Variants in PPT2 observed in about 807,000 individuals in gnomAD.
PPT2 encodes the protein palmitoyl-protein thioesterase 2, also known as lysosomal thioesterase PPT2.
A neutral mutation model predicts 37.3 loss-of-function variants in PPT2; 20 were observed. That is an observed-to-expected ratio of 0.54 (90% CI 0.38 to 0.78). The LOEUF (loss-of-function observed/expected upper bound fraction) is 0.78. Ranked by LOEUF, PPT2 falls within the 30% of genes least tolerant of loss-of-function variation. The probability of loss-of-function intolerance (pLI) is 0.00; values close to 1 mark genes in which losing one functional copy is unlikely to be tolerated. For missense variants in PPT2, 270 were observed against 389.8 expected (o/e 0.69, Z 2.59); for synonymous variants, 135 against 159.1 (o/e 0.85, Z 1.14).
At chr6:32,157,586 C>T (rs1050538071) in intron 5 of PPT2, 51 bp from the exon 6 acceptor site, 5 of 1,449,700 alleles carry the variant, frequency 3.4e-6, no homozygotes, top group African/African-American at 1.4e-5. Flanking sequence ...TTTTCACCAC[C>T]AGTCTTGCCT....
Position 32,154,250 on chromosome 6 carries a change from G to A in PPT2, c.-163G>A. Reference sequence around the variant, plus strand: ...GAGGCCTACGGACCCAGGCCAGGTGGGAGTCTGCACTCTTCAAGGGGCCTG... The same window carrying A: ...GAGGCCTACGGACCCAGGCCAGGTGAGAGTCTGCACTCTTCAAGGGGCCTG... On this transcript the variant is annotated 5_prime_UTR_variant, in exon 1 of 9. Coordinates refer to ENST00000324816, the MANE Select transcript of PPT2 (RefSeq NM_005155.7). The surrounding 1 kb of genome is among the most constrained non-coding windows in gnomAD (Gnocchi z 7.3). 1 of 1,212,628 alleles carries A rather than the reference G, an allele frequency of 8.2e-7. No homozygotes were observed. Among genetic ancestry groups the A allele is most frequent in the Non-Finnish European group, 1.0e-6 (1 of 973,412 alleles). 75.1% of individuals were successfully genotyped at this position (1,212,628 alleles called of 1,614,324 possible). A position where few individuals can be genotyped will look rare whatever the true frequency, so the allele number is the denominator to read the frequency against.
chr6:32,163,060 T>G lies in PPT2; in HGVS notation c.*110T>G. 1 of 1,279,044 alleles carries G rather than the reference T, an allele frequency of 7.8e-7. No homozygotes were observed. Among genetic ancestry groups the G allele is most frequent in the East Asian group, 2.3e-5 (1 of 42,772 alleles). 79.2% of individuals were successfully genotyped at this position (1,279,044 alleles called of 1,614,324 possible). On this transcript the variant is annotated 3_prime_UTR_variant, in exon 9 of 9. Coordinates refer to ENST00000324816, the MANE Select transcript of PPT2 (RefSeq NM_005155.7). The stretch of plus-strand genomic sequence containing the variant: ...CTGTGACCACCTCATTGCTCCCATA[T>G]TATCCCCCATTTTTAGTAGAGACGG...
intron 7 of PPT2, 47 bp downstream of exon 7, chr6:32,157,971 A>G: frequency 6.7e-7 from 1 of 1,503,484 alleles, no homozygotes; most frequent in Non-Finnish European, 9.2e-7. Flanking sequence ...GACATCCCCC[A>G]ACCCCAGTTG....
At chr6:32,158,132 C>T (rs1582616521) in intron 7 of PPT2, 1 of 513,632 alleles carries the variant, frequency 1.9e-6, no homozygotes, top group East Asian at 3.1e-5. Context: ...GACTCTTCTC[C>T]TCTCCATCCC....
Position 32,163,128 on chromosome 6 carries a change from C to A in PPT2, c.*178C>A. ...GGCCTCCCAGAACCCCCTTCCTCTG[C>A]TCCTCCATGAATGACAATTCCAGGC... On this transcript the variant is annotated 3_prime_UTR_variant, in exon 9 of 9. Coordinates refer to ENST00000324816, the MANE Select transcript of PPT2 (RefSeq NM_005155.7). 1 of 668,656 alleles carries A rather than the reference C, an allele frequency of 1.5e-6. No homozygotes were observed. The highest frequency in any genetic ancestry group is 2.5e-6 in the Non-Finnish European group (1 of 404,732). 41.4% of individuals were successfully genotyped at this position (668,656 alleles called of 1,614,324 possible).
At position 32,155,612 on chromosome 6, in the gene PPT2, G is replaced by T. The variant is rs1253330249; in HGVS notation, c.338-76G>T. On this transcript the variant is annotated intron_variant, in intron 3 of 8. Coordinates refer to ENST00000324816, the MANE Select transcript of PPT2 (RefSeq NM_005155.7). This position sits in a 1 kb window ranked among gnomAD's most constrained non-coding sequence, Gnocchi z 4.3. ...TGTGTGTGTGTGTGTGTGTGTGTGT[G>T]TGTGTGGTGGGGGTGGGGGGTGCTG... 10 of 931,320 alleles carry T rather than the reference G, an allele frequency of 1.1e-5. No individual in the cohort carries two copies. Among genetic ancestry groups the T allele is most frequent in the Non-Finnish European group, 1.8e-5 (10 of 569,540 alleles). 57.7% of individuals were successfully genotyped at this position (931,320 alleles called of 1,614,324 possible).
upstream of PPT2, chr6:32,153,935 A>C (rs1783533094): frequency 1.5e-6 from 2 of 1,368,032 alleles, no homozygotes; most frequent in Non-Finnish European, 9.5e-7. The surrounding 1 kb of genome is among the most constrained non-coding windows in gnomAD (Gnocchi z 4.4). Context: ...TTCCCAGAAT[A>C]TGTTTGCTGC....
chr6:32,157,297 T>C, intron 5 of PPT2: 1 of 391,648 alleles, frequency 2.6e-6, no homozygotes. Context: ...CTCGGCTCAC[T>C]GTAACCTCCA....
At position 32,162,647 on chromosome 6, in the gene PPT2, C is replaced by G. The variant is rs1784237701; in HGVS notation, c.765+25C>G. ...GGTGAGCCCCCTGGGATTACTTCCC[C>G]TTCTAGCCGCTGTCCCACCTTATTC... On this transcript the variant is annotated intron_variant, in intron 8 of 8. Coordinates refer to ENST00000324816, the MANE Select transcript of PPT2 (RefSeq NM_005155.7). The surrounding 1 kb of genome is among the most constrained non-coding windows in gnomAD (Gnocchi z 5.5). 3.1e-6 allele frequency: 5 copies of G among 1,589,866 alleles called. No homozygotes were observed. Among genetic ancestry groups the G allele is most frequent in the Non-Finnish European group, 4.3e-6 (5 of 1,157,950 alleles).
intron 7 of PPT2, chr6:32,158,192 T>C: frequency 7.0e-6 from 3 of 431,060 alleles, no homozygotes; most frequent in South Asian, 4.9e-5. Flanking sequence ...GAAATTCTTA[T>C]AGATTCATAG....
chr6:32,157,987 T>C, intron 7 of PPT2, 63 bp downstream of exon 7: 1 of 1,402,026 alleles, frequency 7.1e-7, no homozygotes, highest in South Asian at 1.2e-5. Context: ...AGTTGGTCTT[T>C]ATCTCATGCC....
rs1408148069 is a variant in PPT2 at position 32,159,188 on chromosome 6, ACT to A, written c.710+1265_710+1266del. ...GGTGGCTCACGCCTGTAATCCCAGC[ACT>A]TTGGGAGGCCGAGGCAGTGGATCAC... On this transcript the variant is annotated intron_variant, in intron 7 of 8. Transcript: ENST00000324816. 9.2e-5 allele frequency among the ~76,000 whole-genome samples: 14 copies of A among 152,032 alleles called. 1 individual carries two copies. Among genetic ancestry groups the A allele is most frequent in the African/African-American group, 2.9e-4 (12 of 41,476 alleles).
Position 32,155,051 on chromosome 6 carries a change from A to G in PPT2, c.205A>G (p.Thr69Ala). ...INETHPGTVVTVLDLFDGRES... is the reference protein window; with the variant it reads ...INETHPGTVVAVLDLFDGRES... Reference sequence around the variant, plus strand: ...ACAGACACACCCCGGGACTGTGGTGACAGTGCTCGATCTCTTCGATGGGAG... The same window carrying G: ...ACAGACACACCCCGGGACTGTGGTGGCAGTGCTCGATCTCTTCGATGGGAG... The change falls in exon 3 of 9, where the codon ACA becomes GCA. Residue 69 changes from threonine to alanine, a missense_variant. By Grantham distance (58) the Thr-to-Ala change is moderately conservative. Transcript: ENST00000324816. This position sits in a 1 kb window ranked among gnomAD's most constrained non-coding sequence, Gnocchi z 4.3. 2 of 1,613,040 alleles carry G rather than the reference A, an allele frequency of 1.2e-6. No homozygotes were observed. The highest frequency in any genetic ancestry group is 1.7e-6 in the Non-Finnish European group (2 of 1,179,986).
Position 32,156,186 on chromosome 6 carries a change from A to G in PPT2, c.541+208A>G, listed in dbSNP as rs1783793810. ...CAGTGCACCATCTTGGCTCACTGCA[A>G]CCTCCGCCTCCCAGGTTCAAGTGAT... On this transcript the variant is annotated intron_variant, in intron 5 of 8. Coordinates refer to ENST00000324816, the MANE Select transcript of PPT2 (RefSeq NM_005155.7). This position sits in a 1 kb window ranked among gnomAD's most constrained non-coding sequence, Gnocchi z 4.9. Among the ~76,000 whole-genome samples, 1 of 151,746 alleles carries G rather than the reference A, an allele frequency of 6.6e-6. No homozygotes were observed. The highest frequency in any genetic ancestry group is 2.1e-4 in the South Asian group (1 of 4,808).
Position 32,155,250 on chromosome 6 carries a change from TTCCTAGCG to T in PPT2, c.337+71_337+78del. ...GGCTTGATCCTTATCTGAGGGACAC[TTCCTAGCG>T]TCCCTTTTTCTGAACCACATTGCTC... On this transcript the variant is annotated intron_variant, in intron 3 of 8. Coordinates refer to ENST00000324816, the MANE Select transcript of PPT2 (RefSeq NM_005155.7). This position sits in a 1 kb window ranked among gnomAD's most constrained non-coding sequence, Gnocchi z 4.3. 6.4e-7 allele frequency: 1 copy of T among 1,567,480 alleles called. No homozygotes were observed. The highest frequency in any genetic ancestry group is 8.7e-7 in the Non-Finnish European group (1 of 1,144,296).
Position 32,157,931 on chromosome 6 carries a change from A to T in PPT2, c.710+7A>T. On this transcript the variant is annotated splice_region_variant and intron_variant, in intron 7 of 8. Coordinates refer to ENST00000324816, the MANE Select transcript of PPT2 (RefSeq NM_005155.7). ...TTACTCCCTGGCAGTCCAGGTAATA[A>T]GGGATTTTGTGGCCTGAAGATTGGC... 1 of 1,603,416 alleles carries T rather than the reference A, an allele frequency of 6.2e-7. No individual in the cohort carries two copies. Among genetic ancestry groups the T allele is most frequent in the Non-Finnish European group, 8.5e-7 (1 of 1,171,950 alleles).
rs1367257161 is a variant in PPT2, at chr6:32,162,171, C to T, written c.711-397C>T. On this transcript the variant is annotated intron_variant, in intron 7 of 8. Coordinates refer to ENST00000324816, the MANE Select transcript of PPT2 (RefSeq NM_005155.7). The surrounding 1 kb of genome is among the most constrained non-coding windows in gnomAD (Gnocchi z 5.5). ...CTTGGGTTCCTTTGGGACCTTAGCC[C>T]ACCTTGATTTCTTCCTTTCTTTTTT... Among the ~76,000 whole-genome samples the T allele has an allele frequency of 1.3e-5, 2 of 152,140 alleles. No individual in the cohort carries two copies. The highest frequency in any genetic ancestry group is 4.8e-5 in the African/African-American group (2 of 41,430).
At position 32,154,549 on chromosome 6, in the gene PPT2, G is replaced by A. The variant is rs774833571; in HGVS notation, c.-8-38G>A. ...GTCTGTTCCGAGGGAGGAGGGTGTT[G>A]CCATCTCCCTCACATGCCCTTATCA... On this transcript the variant is annotated intron_variant, in intron 1 of 8. Transcript: ENST00000324816. This position sits in a 1 kb window ranked among gnomAD's most constrained non-coding sequence, Gnocchi z 7.3. 1.9e-6 allele frequency: 3 copies of A among 1,568,256 alleles called. No homozygotes were observed. The highest frequency in any genetic ancestry group is 2.6e-6 in the Non-Finnish European group (3 of 1,151,432).
chr6:32,163,247 A>G lies in PPT2; in HGVS notation c.*297A>G. The stretch of plus-strand genomic sequence containing the variant: ...TGGGAAGTGAGAAACCATGTTTTTA[A>G]CTTGTGGCTGCTTTTGCTGCTGCTG... On this transcript the variant is annotated 3_prime_UTR_variant, in exon 9 of 9. Coordinates refer to ENST00000324816, the MANE Select transcript of PPT2 (RefSeq NM_005155.7). 1 of 400,530 alleles carries G rather than the reference A, an allele frequency of 2.5e-6. No individual in the cohort carries two copies. Among genetic ancestry groups the G allele is most frequent in the Non-Finnish European group, 4.4e-6 (1 of 225,354 alleles). The allele number at this position is 400,530 out of a possible 1,614,324, so 24.8% of individuals were successfully genotyped here.
Sources: gnomAD v4.1 joint callset for allele counts (sites outside exome capture counted in the v4.1 genomes callset) on GRCh38, gnomAD v4.1.1 for gene constraint, Gnocchi (gnomAD v3.1) non-coding constraint, MANE v1.5 for transcripts, NCBI Gene and HGNC (gene_info 2026-07-23, HGNC 2026-07-21) for gene names.